FA2H: variants seen among roughly 807,000 people sequenced by gnomAD.
FA2H encodes the protein fatty acid 2-hydroxylase.
In FA2H, 22 loss-of-function variants were observed where a neutral mutation model predicts 44.9. That is an observed-to-expected ratio of 0.49 (90% CI 0.35 to 0.70). The LOEUF (loss-of-function observed/expected upper bound fraction) is 0.70, where lower values mean the gene tolerates loss of function less well. FA2H is among the 30% of genes least tolerant of loss of function. FA2H has a pLI of 0.01. For missense variants in FA2H, 501 were observed against 504.9 expected (o/e 0.99, Z 0.07); for synonymous variants, 243 against 213.2 (o/e 1.14, Z -1.22).
intron 1 of FA2H, among the ~76,000 whole-genome samples, chr16:74,761,477 A>C (rs1962709457): frequency 9.5e-6 from 1 of 105,124 alleles, no homozygotes; most frequent in South Asian, 2.8e-4. Flanking sequence ...AAAGAAAGAA[A>C]GAAAGAAAGA....
chr16:74,759,634 C>G (rs1297251474), intron 1 of FA2H, among the ~76,000 whole-genome samples: 2 of 152,228 alleles, frequency 1.3e-5, no homozygotes, highest in African/African-American at 4.8e-5. Context: ...GGAAGGTCAC[C>G]TCTGCTAGCA....
chr16:74,756,152 G>A (rs989635500), intron 1 of FA2H, among the ~76,000 whole-genome samples: 5 of 152,114 alleles, frequency 3.3e-5, no homozygotes, highest in African/African-American at 4.8e-5. Context: ...CCCCTCTGCC[G>A]TCCTAGCCTT....
At chr16:74,723,747 G>C (rs1961889554) in intron 4 of FA2H, among the ~76,000 whole-genome samples, 1 of 152,176 alleles carries the variant, frequency 6.6e-6, no homozygotes, top group South Asian at 2.1e-4. Context: ...TGGATTTGCA[G>C]ACCTGGATTC....
chr16:74,760,959 C>T (rs1022854779), intron 1 of FA2H, among the ~76,000 whole-genome samples: 7 of 151,494 alleles, frequency 4.6e-5, no homozygotes, highest in South Asian at 2.1e-4. Flanking sequence ...ATCTATGGGG[C>T]GGGGTGGGAG....
intron 2 of FA2H, among the ~76,000 whole-genome samples, chr16:74,732,459 T>C (rs907990433): frequency 3.3e-5 from 5 of 151,812 alleles, no homozygotes; most frequent in African/African-American, 1.2e-4. Context: ...TTTTTTAAGA[T>C]TGAGTCTCAC....
intron 2 of FA2H, among the ~76,000 whole-genome samples, chr16:74,728,252 C>T (rs1409308460): frequency 3.3e-5 from 5 of 152,080 alleles, no homozygotes; most frequent in African/African-American, 9.7e-5. Context: ...TTCGAGACTC[C>T]GTCTCTTCAA....
intron 1 of FA2H, among the ~76,000 whole-genome samples, chr16:74,751,044 A>C (rs1276896758): frequency 1.3e-5 from 2 of 151,400 alleles, no homozygotes; most frequent in East Asian, 3.9e-4. Flanking sequence ...CAGCCTCCCA[A>C]ACTTCTGGGA....
At chr16:74,716,318 G>A (rs1469387360) in intron 6 of FA2H, 29 bp downstream of exon 6, 1 of 1,610,990 alleles carries the variant, frequency 6.2e-7, no homozygotes, top group Admixed American at 1.7e-5. Context: ...ACACACATAG[G>A]GGGCTGGGAA....
At chr16:74,742,284 G>A (rs1340073594) in intron 1 of FA2H, among the ~76,000 whole-genome samples, 1 of 152,180 alleles carries the variant, frequency 6.6e-6, no homozygotes, top group Non-Finnish European at 1.5e-5. Flanking sequence ...TGAAACAAAT[G>A]GAGTGGGTGC....
intron 4 of FA2H, among the ~76,000 whole-genome samples, chr16:74,724,361 G>A (rs752888501): frequency 2.6e-5 from 4 of 152,196 alleles, no homozygotes; most frequent in Non-Finnish European, 5.9e-5. Context: ...CTCAGAAGCT[G>A]CTCTGGAGCC....
At chr16:74,737,113 C>T (rs1475367041) in intron 2 of FA2H, among the ~76,000 whole-genome samples, 1 of 152,142 alleles carries the variant, frequency 6.6e-6, no homozygotes, top group Non-Finnish European at 1.5e-5. Context: ...TCAAATCACA[C>T]CTGTTCTTGC....
At chr16:74,722,039 T>C (rs546476466) in intron 4 of FA2H, among the ~76,000 whole-genome samples, 2 of 152,318 alleles carry the variant, frequency 1.3e-5, no homozygotes, top group South Asian at 4.1e-4. Flanking sequence ...ATTGAGGACG[T>C]GGAGGCCCAA....
At chr16:74,744,187 C>G (rs544067077) in intron 1 of FA2H, among the ~76,000 whole-genome samples, 16 of 152,274 alleles carry the variant, frequency 1.1e-4, no homozygotes, top group African/African-American at 3.6e-4. Context: ...TGAGCCAGCT[C>G]ACCCTTGAAT....
rs764721748 is a variant in FA2H at position 74,727,375 on chromosome 16, G to A, written c.375C>T (p.Asp125=). Residue 125 remains aspartate, a synonymous_variant, in exon 3 of 7, where the codon GAC becomes GAT. Transcript: ENST00000219368. ...CCTGCCACAGGAGAGGCTTTCGCCAGTCCACCAGGTCCTGCAAGAGATGAA... is the reference window on the plus strand; with the variant it reads ...CCTGCCACAGGAGAGGCTTTCGCCAATCCACCAGGTCCTGCAAGAGATGAA... ...KVVDWDKDLV[D]WRKPLLWQVG... 2.5e-6 allele frequency: 4 copies of A among 1,614,240 alleles called. No homozygotes were observed. The highest frequency in any genetic ancestry group is 3.4e-6 in the Non-Finnish European group (4 of 1,180,044).
intron 2 of FA2H, among the ~76,000 whole-genome samples, chr16:74,739,131 T>A (rs1302271644): frequency 6.6e-6 from 1 of 152,148 alleles, no homozygotes; most frequent in Non-Finnish European, 1.5e-5. Flanking sequence ...CCATGCCACC[T>A]CCTGGGGTAA....
chr16:74,757,883 G>A (rs1190495853), intron 1 of FA2H, among the ~76,000 whole-genome samples: 2 of 152,094 alleles, frequency 1.3e-5, no homozygotes, highest in Non-Finnish European at 2.9e-5. Flanking sequence ...GCTGGGAGTG[G>A]TGGCTTGTGC....
In FA2H at chr16:74,716,360, T is replaced by G; in HGVS notation, c.1026A>C (p.Ala342=). ...LKAHHVKHHF[A]HQKSGFGIST... ...GCCCATCCTCACCTGACTTCTGATG[T>G]GCAAAGTGGTGCTTGACGTGGTGGG... is the stretch of plus-strand genomic sequence containing the variant. Residue 342 remains alanine (A), a synonymous_variant, in exon 6 of 7, where the codon GCA becomes GCC. Transcript: ENST00000219368. 1 of 1,613,926 alleles carries G rather than the reference T, an allele frequency of 6.2e-7. No individual in the cohort carries two copies.
intron 1 of FA2H, among the ~76,000 whole-genome samples, chr16:74,756,364 C>T (rs1693889170): frequency 6.6e-6 from 1 of 152,146 alleles, no homozygotes; most frequent in Non-Finnish European, 1.5e-5. Context: ...CTTGGACGGA[C>T]AACCACTGTG....
At chr16:74,726,803 G>A (rs1361992828) in intron 3 of FA2H, among the ~76,000 whole-genome samples, 3 of 152,180 alleles carry the variant, frequency 2.0e-5, no homozygotes, top group African/African-American at 7.2e-5. Flanking sequence ...ACAGGGAGTG[G>A]GGAAGAGAAA....
Sources: gnomAD v4.1 joint callset for allele counts (sites outside exome capture counted in the v4.1 genomes callset) on GRCh38, gnomAD v4.1.1 for gene constraint, MANE v1.5 for transcripts, NCBI Gene and HGNC (gene_info 2026-07-23, HGNC 2026-07-21) for gene names.